DLEU7: variants seen among roughly 807,000 people sequenced by gnomAD.
DLEU7 encodes leukemia-associated protein 7.
DLEU7 carries 17 observed loss-of-function variants against 16.0 expected under a neutral mutation model. The observed-to-expected ratio is 1.06, with a 90% CI of 0.73 to 1.59. The LOEUF (loss-of-function observed/expected upper bound fraction) is 1.59. DLEU7 is among the 40% of genes most tolerant of loss of function. DLEU7 has a pLI of 0.00. For missense variants in DLEU7, 308 were observed against 314.9 expected (o/e 0.98, Z 0.17); for synonymous variants, 113 against 139.8 (o/e 0.81, Z 1.35).
chr13:50,843,898 A>G, upstream of DLEU7: 1 of 488,356 alleles, frequency 2.0e-6, no homozygotes, highest in East Asian at 4.0e-5. This position sits in a 1 kb window ranked among gnomAD's most constrained non-coding sequence, Gnocchi z 5.7. Flanking sequence ...GTGCACTTGA[A>G]AATCAGCGAA....
intron 1 of DLEU7, among the ~76,000 whole-genome samples, chr13:50,714,276 C>T (rs1385513323): frequency 2.6e-5 from 4 of 152,152 alleles, no homozygotes; most frequent in South Asian, 2.1e-4. Flanking sequence ...TCTTGGGCAA[C>T]GTGGCTATTT....
intron 1 of DLEU7, among the ~76,000 whole-genome samples, chr13:50,775,815 A>G (rs974502067): frequency 6.6e-6 from 1 of 152,256 alleles, no homozygotes; most frequent in Non-Finnish European, 1.5e-5. Flanking sequence ...GCAGGAAAGT[A>G]TTCAAATTTT....
At chr13:50,821,583 A>G (rs1487246209), downstream of DLEU7, among the ~76,000 whole-genome samples, 1 of 152,140 alleles carries the variant, frequency 6.6e-6, no homozygotes, top group Admixed American at 6.6e-5. Context: ...AGGATGGCCC[A>G]TGAGGGTTCA....
At chr13:50,790,776 TC>T (rs1875933751) in intron 1 of DLEU7, among the ~76,000 whole-genome samples, 1 of 152,136 alleles carries the variant, frequency 6.6e-6, no homozygotes, top group African/African-American at 2.4e-5. Flanking sequence ...CAGTCAGGCT[TC>T]CTGTAGAGAT....
chr13:50,787,712 TC>T (rs1035897321), intron 1 of DLEU7, among the ~76,000 whole-genome samples: 11 of 142,394 alleles, frequency 7.7e-5, no homozygotes, highest in African/African-American at 2.6e-4. Flanking sequence ...TCCCCTGCCC[TC>T]CCCCCCACCT....
At chr13:50,718,013 C>T (rs1873487659) in intron 1 of DLEU7, among the ~76,000 whole-genome samples, 1 of 152,164 alleles carries the variant, frequency 6.6e-6, no homozygotes, top group Non-Finnish European at 1.5e-5. Flanking sequence ...TCATCAGCAT[C>T]ACATGGGAGC....
chr13:50,822,524 G>A (rs1020428177), downstream of DLEU7: 20 of 628,284 alleles, frequency 3.2e-5, 1 homozygote, highest in Non-Finnish European at 3.8e-5. Flanking sequence ...CTCTCTTCCC[G>A]GCTCTAAACG....
chr13:50,833,360 CA>C (rs1448277603), intron 1 of DLEU7, among the ~76,000 whole-genome samples: 4 of 152,280 alleles, frequency 2.6e-5, no homozygotes, highest in Non-Finnish European at 5.9e-5. Flanking sequence ...TCTCAGGATA[CA>C]AAATCAATGT....
At chr13:50,758,776 GAGA>G (rs1004913644) in intron 1 of DLEU7, among the ~76,000 whole-genome samples, 1 of 152,234 alleles carries the variant, frequency 6.6e-6, no homozygotes, top group African/African-American at 2.4e-5. Flanking sequence ...AGGGATGAGA[GAGA>G]AGGAGAAAGA....
chr13:50,804,004 G>A (rs1876320950), intron 1 of DLEU7, among the ~76,000 whole-genome samples: 2 of 151,972 alleles, frequency 1.3e-5, no homozygotes, highest in South Asian at 4.2e-4. Context: ...TGATTCATCA[G>A]GAAATCATTT....
intron 1 of DLEU7, 108 bp from the exon 2 acceptor site, chr13:50,823,628 T>G: frequency 7.6e-7 from 1 of 1,313,948 alleles, no homozygotes; most frequent in Non-Finnish European, 1.0e-6. Context: ...GACAGCACTC[T>G]GGTTTTTTTT....
At chr13:50,732,434 C>G (rs562945285) in intron 1 of DLEU7, among the ~76,000 whole-genome samples, 1 of 151,968 alleles carries the variant, frequency 6.6e-6, no homozygotes, top group Non-Finnish European at 1.5e-5. Flanking sequence ...CATGGTGAAA[C>G]CCCATGTCTA....
At chr13:50,781,540 G>C (rs1056460520) in intron 1 of DLEU7, among the ~76,000 whole-genome samples, 2 of 152,144 alleles carry the variant, frequency 1.3e-5, no homozygotes, top group Non-Finnish European at 2.9e-5. Flanking sequence ...TGGTCTTCCT[G>C]CCTCAGTCCC....
intron 1 of DLEU7, among the ~76,000 whole-genome samples, chr13:50,739,831 C>A (rs1027829641): frequency 6.6e-6 from 1 of 152,176 alleles, no homozygotes; most frequent in Non-Finnish European, 1.5e-5. Context: ...TACCTAGTCC[C>A]TTTTGGCCAA....
downstream of DLEU7, among the ~76,000 whole-genome samples, chr13:50,821,298 A>G (rs1302299877): frequency 1.3e-5 from 2 of 151,838 alleles, no homozygotes; most frequent in African/African-American, 2.4e-5. Context: ...CAGACTGACC[A>G]TAGAACATAA....
In DLEU7 at chr13:50,823,257, G is replaced by C. The variant is rs1440839857; in HGVS notation, c.*57C>G. On this transcript the variant is annotated 3_prime_UTR_variant, in exon 2 of 2. Coordinates refer to ENST00000504404, the MANE Select transcript of DLEU7 (RefSeq NM_001306135.2). ...TCTGCTGACTCAATTAGGAAGGTAA[G>C]GTATCTGGTTCTCTTAACAGTGCTG... 5 of 1,526,066 alleles carry C rather than the reference G, an allele frequency of 3.3e-6. No individual in the cohort carries two copies. The highest frequency in any genetic ancestry group is 4.4e-6 in the Non-Finnish European group (5 of 1,139,024). The allele number at this position is 1,526,066 out of a possible 1,614,324, so 94.5% of individuals were successfully genotyped here.
At chr13:50,786,328 A>G (rs1158073265) in intron 1 of DLEU7, among the ~76,000 whole-genome samples, 1 of 152,214 alleles carries the variant, frequency 6.6e-6, no homozygotes. Context: ...GTAATTGCCC[A>G]GAAGTTTCCT....
At chr13:50,755,631 C>T (rs111690142) in intron 1 of DLEU7, among the ~76,000 whole-genome samples, 5,096 of 152,128 alleles carry the variant, frequency 0.033, 182 homozygotes, top group African/African-American at 0.091. Flanking sequence ...CATTGGGCTT[C>T]GCCTTTCTCT....
chr13:50,831,821 G>A (rs1275782121), intron 1 of DLEU7, among the ~76,000 whole-genome samples: 2 of 152,136 alleles, frequency 1.3e-5, no homozygotes, highest in Non-Finnish European at 1.5e-5. Flanking sequence ...ATTAACTTCT[G>A]CCAGGGTTGA....
Sources: gnomAD v4.1 joint callset for allele counts (sites outside exome capture counted in the v4.1 genomes callset) on GRCh38, gnomAD v4.1.1 for gene constraint, Gnocchi (gnomAD v3.1) non-coding constraint, MANE v1.5 for transcripts, NCBI Gene and HGNC (gene_info 2026-07-23, HGNC 2026-07-21) for gene names.